CUX1: variants seen among roughly 807,000 people sequenced by gnomAD.
CUX1 encodes protein CASP.
CUX1 carries 31 observed loss-of-function variants against 158.8 expected under a neutral mutation model. The observed-to-expected ratio is 0.20, with a 90% confidence interval of 0.15 to 0.26. The LOEUF (loss-of-function observed/expected upper bound fraction) is 0.26, where lower values mean the gene tolerates loss of function less well. Ranked by LOEUF, CUX1 falls within the 10% of genes least tolerant of loss-of-function variation. The pLI is 1.00. For synonymous variants in CUX1, 879 were observed against 862.1 expected, an observed-to-expected ratio of 1.02 and a Z score of -0.34; for missense variants, 1,589 against 2,014.6, an observed-to-expected ratio of 0.79 and a Z score of 4.04.
At chr7:102,210,157 C>T (rs1043495534) in intron 20 of CUX1, among the ~76,000 whole-genome samples, 3 of 152,064 alleles carry the variant, frequency 2.0e-5, no homozygotes, top group East Asian at 3.9e-4. Context: ...AGTGCAGTGG[C>T]GCGATCTCGA....
intron 11 of CUX1, among the ~76,000 whole-genome samples, chr7:102,180,462 A>G (rs1792910966): frequency 6.6e-6 from 1 of 151,538 alleles, no homozygotes; most frequent in Non-Finnish European, 1.5e-5. Flanking sequence ...GGACCCTGGG[A>G]CCAAAGACAT....
rs66481506 is a variant in CUX1, at chr7:101,895,891, G to GTT, written c.31-20215_31-20214dup. Among the ~76,000 whole-genome samples, 6 of 112,710 alleles carry GTT rather than the reference G, an allele frequency of 5.3e-5. 1 individual carries two copies. Among genetic ancestry groups the GTT allele is most frequent in the African/African-American group, 7.3e-5 (2 of 27,334 alleles). The allele number at this position is 112,710 out of a possible 152,430, so 73.9% of individuals were successfully genotyped here. A position where few individuals can be genotyped will look rare whatever the true frequency, so the allele number is the denominator to read the frequency against. Reference sequence around the variant, plus strand: ...CACGTTTCCTTGTATCACCTGTAAAGTTTTTTTTTTGTTTTTGTTTTTTTT... The same window carrying GTT: ...CACGTTTCCTTGTATCACCTGTAAAGTTTTTTTTTTTTGTTTTTGTTTTTTTT... On this transcript the variant is annotated intron_variant, in intron 1 of 23. Coordinates refer to ENST00000292535, the MANE Select transcript of CUX1 (RefSeq NM_181552.4).
intron 12 of CUX1, among the ~76,000 whole-genome samples, chr7:102,190,363 C>T (rs976085801): frequency 2.0e-5 from 3 of 152,178 alleles, no homozygotes; most frequent in African/African-American, 7.2e-5. Flanking sequence ...TGATGGCATT[C>T]TCAGTTCTCA....
At chr7:102,106,295 G>A (rs372290357) in intron 6 of CUX1, among the ~76,000 whole-genome samples, 28 of 151,910 alleles carry the variant, frequency 1.8e-4, no homozygotes, top group African/African-American at 6.3e-4. Context: ...TCACTATGTC[G>A]GCCAGGATGG....
At chr7:102,064,476 C>T (rs1286915351) in intron 3 of CUX1, among the ~76,000 whole-genome samples, 1 of 151,912 alleles carries the variant, frequency 6.6e-6, no homozygotes, top group Non-Finnish European at 1.5e-5. Context: ...TAGACGTTTG[C>T]TCATTCACAG....
At chr7:101,887,190 G>C (rs1042081761) in intron 1 of CUX1, among the ~76,000 whole-genome samples, 2 of 152,214 alleles carry the variant, frequency 1.3e-5, no homozygotes, top group African/African-American at 4.8e-5. Context: ...GGCAGCCCCT[G>C]AATAGGGCAG....
At chr7:102,196,043 C>T (rs979664037) in intron 14 of CUX1, among the ~76,000 whole-genome samples, 1 of 152,212 alleles carries the variant, frequency 6.6e-6, no homozygotes, top group South Asian at 2.1e-4. Context: ...CCTGGGGACG[C>T]GTCCCCCATC....
intron 16 of CUX1, 113 bp from the exon 17 acceptor site, chr7:102,199,958 C>T (rs903351943): frequency 7.6e-6 from 6 of 793,050 alleles, no homozygotes; most frequent in South Asian, 5.8e-5. Context: ...ACATCTGCCT[C>T]CTTGTGTCAC....
intron 1 of CUX1, among the ~76,000 whole-genome samples, chr7:101,857,104 G>A (rs1028445484): frequency 1.4e-4 from 21 of 152,180 alleles, no homozygotes; most frequent in African/African-American, 4.6e-4. Context: ...CACCCGCCGC[G>A]GGCCACTTTT....
chr7:102,105,375 C>T (rs1554488130), intron 6 of CUX1, among the ~76,000 whole-genome samples: 1 of 152,044 alleles, frequency 6.6e-6, no homozygotes, highest in Admixed American at 6.6e-5. Context: ...TTTCTAATGA[C>T]TTACATTACC....
intron 2 of CUX1, among the ~76,000 whole-genome samples, chr7:101,942,780 A>G (rs1042663810): frequency 6.6e-6 from 1 of 152,220 alleles, no homozygotes; most frequent in Admixed American, 6.5e-5. Context: ...ACTCTGGGTC[A>G]GAGGGCAGCT....
chr7:102,201,606 C>T lies in CUX1; in HGVS notation c.2309C>T (p.Ala770Val). ...ATCTCCCTGAAGAAGCCCTCCGCAG[C>T]TCCTGAGGCCGGTGCCTCTGCTCTG... ...LAISLKKPSA[A>V]PEAGASALPN... is the part of the protein sequence containing the mutation. The change falls in exon 18 of 24, where the codon GCT becomes GTT. Residue 770 changes from alanine to valine, a missense_variant. Ala to Val is a moderately conservative substitution (Grantham distance 64, BLOSUM62 0). Around this residue, in one of 8 missense-constraint regions of CUX1, gnomAD observed 337 missense variants for 409.3 expected, o/e 0.82. Coordinates refer to ENST00000292535, the MANE Select transcript of CUX1 (RefSeq NM_181552.4). The surrounding 1 kb of genome is among the most constrained non-coding windows in gnomAD (Gnocchi z 5.0). 1 of 1,614,074 alleles carries T rather than the reference C, an allele frequency of 6.2e-7. No homozygotes were observed. The highest frequency in any genetic ancestry group is 8.5e-7 in the Non-Finnish European group (1 of 1,180,004).
At chr7:101,907,521 G>A (rs1053450957) in intron 1 of CUX1, among the ~76,000 whole-genome samples, 3 of 151,932 alleles carry the variant, frequency 2.0e-5, no homozygotes, top group Non-Finnish European at 4.4e-5. Context: ...GCTAATTTTT[G>A]TATTTTTAGT....
intron 2 of CUX1, among the ~76,000 whole-genome samples, chr7:101,955,231 C>T (rs868298507): frequency 6.6e-6 from 1 of 152,122 alleles, no homozygotes; most frequent in Non-Finnish European, 1.5e-5. Flanking sequence ...GCGCCTCCTC[C>T]CTGGTCCATT....
At chr7:101,904,404 A>G (rs1321311754) in intron 1 of CUX1, among the ~76,000 whole-genome samples, 1 of 151,684 alleles carries the variant, frequency 6.6e-6, no homozygotes, top group Non-Finnish European at 1.5e-5. Context: ...ACTTCTGTTC[A>G]TTTTCTGGGG....
At chr7:101,823,916 AAAACCAAACC>A (rs781557499) in intron 1 of CUX1, among the ~76,000 whole-genome samples, 1 of 152,188 alleles carries the variant, frequency 6.6e-6, no homozygotes, top group Non-Finnish European at 1.5e-5. Context: ...AGCATATGAA[AAAACCAAACC>A]AAACCAAACC....
chr7:102,235,731 C>T (rs1799487209), intron 22 of CUX1, among the ~76,000 whole-genome samples: 1 of 151,322 alleles, frequency 6.6e-6, no homozygotes, highest in Non-Finnish European at 1.5e-5. Context: ...ATGGGCATCC[C>T]AGGCCCTTGA....
At chr7:102,113,902 G>C (rs1831194908) in intron 7 of CUX1, among the ~76,000 whole-genome samples, 1 of 152,164 alleles carries the variant, frequency 6.6e-6, no homozygotes. Flanking sequence ...GCCTGACAAA[G>C]ACTTGTCAAA....
rs569012415 is a variant in CUX1, at chr7:102,095,626, A to G, written c.269-1738A>G. Among the ~76,000 whole-genome samples, 25 of 152,278 alleles carry G rather than the reference A, an allele frequency of 1.6e-4. 1 individual carries two copies. In the South Asian group the frequency reaches 5.2e-3, roughly 32 times the overall value. Reference sequence around the variant, plus strand: ...CATGGTAGACCTGGCCCTCGATTCCAGGAACCTAGGGTGGTCTGAAAAATT... The same window carrying G: ...CATGGTAGACCTGGCCCTCGATTCCGGGAACCTAGGGTGGTCTGAAAAATT... On this transcript the variant is annotated intron_variant, in intron 4 of 23. Coordinates refer to ENST00000292535, the MANE Select transcript of CUX1 (RefSeq NM_181552.4).
Sources: allele counts gnomAD v4.1 joint callset (sites outside exome capture counted in the v4.1 genomes callset), GRCh38; gene constraint gnomAD v4.1.1; regional missense constraint gnomAD v4.1.1; non-coding constraint Gnocchi (gnomAD v3.1); transcripts MANE v1.5; gene names NCBI Gene and HGNC (gene_info 2026-07-23, HGNC 2026-07-21).